CHD9: variants seen among roughly 807,000 people sequenced by gnomAD.
CHD9 encodes ATP-dependent chromatin remodeler CHD9.
In CHD9, 77 loss-of-function variants were observed where a neutral mutation model predicts 316.1. The observed-to-expected ratio is 0.24, with a 90% CI of 0.20 to 0.29. The LOEUF (loss-of-function observed/expected upper bound fraction) is 0.29, where lower values mean the gene tolerates loss of function less well. Ranked by LOEUF, CHD9 falls within the 10% of genes least tolerant of loss-of-function variation. The probability of loss-of-function intolerance (pLI) is 1.00; values close to 1 mark genes in which losing one functional copy is unlikely to be tolerated. For missense variants in CHD9, 2,763 were observed against 3,438.1 expected, an observed-to-expected ratio of 0.80 and a Z score of 4.91; for synonymous variants, 1,129 against 1,158.3, an observed-to-expected ratio of 0.97 and a Z score of 0.51.
intron 1 of CHD9, among the ~76,000 whole-genome samples, chr16:53,108,107 C>A (rs969880338): frequency 1.3e-5 from 2 of 152,130 alleles, no homozygotes; most frequent in African/African-American, 2.4e-5. Flanking sequence ...GAGGGTAAGA[C>A]CTTTTTATCT....
intron 1 of CHD9, among the ~76,000 whole-genome samples, chr16:53,135,911 AAATC>A (rs1487036387): frequency 1.3e-5 from 2 of 151,708 alleles, no homozygotes; most frequent in Admixed American, 6.6e-5. Context: ...TGAGAGAAAT[AAATC>A]AATATAATAT....
chr16:53,239,520 A>G (rs1301924496), intron 12 of CHD9, among the ~76,000 whole-genome samples: 1 of 152,158 alleles, frequency 6.6e-6, no homozygotes, highest in Non-Finnish European at 1.5e-5. Flanking sequence ...TAAAATCAAT[A>G]AATTCACAAA....
chr16:53,242,258 T>C (rs1376448986), intron 12 of CHD9, among the ~76,000 whole-genome samples: 1 of 152,212 alleles, frequency 6.6e-6, no homozygotes. Context: ...AGCCCTTATC[T>C]CTAACTTACT....
chr16:53,277,458 C>G (rs1391438313), intron 24 of CHD9, among the ~76,000 whole-genome samples: 1 of 152,036 alleles, frequency 6.6e-6, no homozygotes, highest in Non-Finnish European at 1.5e-5. Context: ...TGCAAGTCAA[C>G]AAATGTGATA....
At chr16:53,118,162 G>A (rs2038463385) in intron 1 of CHD9, among the ~76,000 whole-genome samples, 1 of 152,142 alleles carries the variant, frequency 6.6e-6, no homozygotes, top group African/African-American at 2.4e-5. Flanking sequence ...CATATTTTAA[G>A]AAATCTCCCC....
At chr16:53,240,941 A>G (rs1255117202) in intron 12 of CHD9, among the ~76,000 whole-genome samples, 1 of 152,136 alleles carries the variant, frequency 6.6e-6, no homozygotes, top group Non-Finnish European at 1.5e-5. Context: ...ATAAACTCAA[A>G]TCAATCAGAT....
chr16:53,195,083 T>TA (rs1377076238), intron 2 of CHD9, among the ~76,000 whole-genome samples: 1 of 152,206 alleles, frequency 6.6e-6, no homozygotes, highest in African/African-American at 2.4e-5. Context: ...ATAATGTACA[T>TA]ACAGAAAATA....
chr16:53,189,222 T>A (rs2044287384), intron 2 of CHD9, among the ~76,000 whole-genome samples: 1 of 152,176 alleles, frequency 6.6e-6, no homozygotes, highest in Non-Finnish European at 1.5e-5. Context: ...CAAGAGTAGA[T>A]AACCTTGTCT....
intron 1 of CHD9, among the ~76,000 whole-genome samples, chr16:53,123,526 C>T (rs565363151): frequency 1.3e-5 from 2 of 151,932 alleles, no homozygotes; most frequent in South Asian, 2.1e-4. Context: ...TTGAGACAAG[C>T]GTTTTGCTCT....
At chr16:53,281,538 A>C (rs2053416456) in intron 24 of CHD9, among the ~76,000 whole-genome samples, 1 of 152,202 alleles carries the variant, frequency 6.6e-6, no homozygotes, top group South Asian at 2.1e-4. Context: ...CAGCAGCCAG[A>C]GTGGTATTTC....
intron 13 of CHD9, among the ~76,000 whole-genome samples, chr16:53,244,775 A>T (rs2049424613): frequency 6.6e-6 from 1 of 152,164 alleles, no homozygotes; most frequent in South Asian, 2.1e-4. Flanking sequence ...TTAAAAAGCG[A>T]TTGGGAAAGT....
At chr16:53,151,259 C>G (rs2041095083) in intron 1 of CHD9, among the ~76,000 whole-genome samples, 1 of 112,352 alleles carries the variant, frequency 8.9e-6, no homozygotes, top group African/African-American at 3.4e-5. Flanking sequence ...CTTTCCTTGT[C>G]CTGTCCTTTT....
chr16:53,151,481 C>G (rs530589539), intron 1 of CHD9, among the ~76,000 whole-genome samples: 2 of 152,126 alleles, frequency 1.3e-5, no homozygotes, highest in East Asian at 3.9e-4. Flanking sequence ...GTCTCGAACT[C>G]CTGACCTCAG....
At chr16:53,107,137 TA>T (rs2037419844) in intron 1 of CHD9, among the ~76,000 whole-genome samples, 4 of 151,844 alleles carry the variant, frequency 2.6e-5, no homozygotes, top group East Asian at 3.9e-4. Flanking sequence ...ACCCTGTCTC[TA>T]AAAAAATAAA....
Position 53,238,379 on chromosome 16 carries a change from C to A in CHD9, c.2670C>A (p.Gly890=). The A allele has an allele frequency of 3.1e-6, 5 of 1,612,710 alleles. No individual in the cohort carries two copies. The highest frequency in any genetic ancestry group is 4.2e-6 in the Non-Finnish European group (5 of 1,179,166). ...TCTTAGCAGATGAAATGGGTCTTGG[C>A]AAAACTATTCAATCAATTACATTCC... The part of the protein sequence containing the change: ...NCILADEMGL[G]KTIQSITFLY... Residue 890 remains glycine (G), a synonymous_variant, in exon 12 of 39, where the codon GGC becomes GGA. Transcript: ENST00000447540.
At position 53,274,205 on chromosome 16, in the gene CHD9, G is replaced by C. The variant is rs1463043927; in HGVS notation, c.4878-8G>C. The C allele has an allele frequency of 1.3e-6, 2 of 1,569,136 alleles. No homozygotes were observed. The highest frequency in any genetic ancestry group is 1.7e-6 in the Non-Finnish European group (2 of 1,143,210). ...TTATGCCTTTGATTTATTTTCCCTT[G>C]TTTTTAGGGTTTTGCTTCGTGTGAG... is the stretch of plus-strand genomic sequence containing the variant. On this transcript the variant is annotated splice_region_variant and splice_polypyrimidine_tract_variant and intron_variant, in intron 23 of 38. Coordinates refer to ENST00000447540, the MANE Select transcript of CHD9 (RefSeq NM_001308319.2).
At chr16:53,308,192 A>G (rs1331559946) in intron 33 of CHD9, among the ~76,000 whole-genome samples, 1 of 152,226 alleles carries the variant, frequency 6.6e-6, no homozygotes, top group African/African-American at 2.4e-5. Context: ...ATGCTTTCTT[A>G]AACAGTGTGG....
At chr16:53,059,956 A>C (rs1394163365) in intron 1 of CHD9, among the ~76,000 whole-genome samples, 1 of 152,216 alleles carries the variant, frequency 6.6e-6, no homozygotes, top group African/African-American at 2.4e-5. Flanking sequence ...TCTGGGTTCC[A>C]ATAAAGCTTT....
chr16:53,270,751 G>A (rs2052176001), intron 22 of CHD9, among the ~76,000 whole-genome samples: 1 of 152,114 alleles, frequency 6.6e-6, no homozygotes, highest in East Asian at 1.9e-4. Flanking sequence ...CAACCTGAGA[G>A]GGCTGAATCT....
Sources: gnomAD v4.1 joint callset for allele counts (sites outside exome capture counted in the v4.1 genomes callset) on GRCh38, gnomAD v4.1.1 for gene constraint, MANE v1.5 for transcripts, NCBI Gene and HGNC (gene_info 2026-07-23, HGNC 2026-07-21) for gene names.